The following ZNF100 variants were observed in gnomAD, a reference collection of about 807,000 sequenced individuals.
ZNF100 encodes the protein zinc finger protein 100, also known as zinc finger protein 100 (Y1).
In ZNF100, 12 loss-of-function variants were observed where a neutral mutation model predicts 15.8. The ratio of observed to expected loss-of-function variants is 0.76; its 90% CI spans 0.49 to 1.23. ZNF100 has a LOEUF of 1.23. ZNF100 is among the 50% of genes most tolerant of loss of function. The probability of loss-of-function intolerance (pLI) is 0.00; values close to 1 mark genes in which losing one functional copy is unlikely to be tolerated. For missense variants in ZNF100, 670 were observed against 635.6 expected (o/e 1.05, Z -0.58); for synonymous variants, 226 against 214.8 (o/e 1.05, Z -0.45).
intron 2 of ZNF100, among the ~76,000 whole-genome samples, chr19:21,760,697 T>C (rs910432641): frequency 2.0e-5 from 3 of 150,852 alleles, no homozygotes; most frequent in Non-Finnish European, 4.4e-5. Context: ...TGTTCTTAAA[T>C]GCAAGTTTCT....
intron 4 of ZNF100, among the ~76,000 whole-genome samples, chr19:21,734,751 T>C (rs777905520): frequency 6.6e-6 from 1 of 151,932 alleles, no homozygotes; most frequent in Non-Finnish European, 1.5e-5. Flanking sequence ...TCAAGACACA[T>C]AATTATCAGA....
intron 4 of ZNF100, among the ~76,000 whole-genome samples, chr19:21,731,402 G>A (rs1407666008): frequency 6.6e-5 from 10 of 151,256 alleles, no homozygotes; most frequent in Non-Finnish European, 2.9e-5. Context: ...TCCGCCTCCT[G>A]GGTTCAAGTG....
At chr19:21,756,825 C>A (rs762180744) in intron 2 of ZNF100, among the ~76,000 whole-genome samples, 1 of 152,146 alleles carries the variant, frequency 6.6e-6, no homozygotes, top group Non-Finnish European at 1.5e-5. Flanking sequence ...ATTACATTAA[C>A]CCTCTTCAAA....
At chr19:21,761,096 G>A (rs2036477139) in intron 2 of ZNF100, among the ~76,000 whole-genome samples, 1 of 152,028 alleles carries the variant, frequency 6.6e-6, no homozygotes, top group Admixed American at 6.6e-5. Flanking sequence ...AACTAAAATG[G>A]TCATGACTAT....
At chr19:21,744,473 A>G (rs1029480019) in intron 3 of ZNF100, among the ~76,000 whole-genome samples, 1 of 152,114 alleles carries the variant, frequency 6.6e-6, no homozygotes, top group Non-Finnish European at 1.5e-5. Flanking sequence ...CCTGGGTTCA[A>G]GCAATTCTCC....
At chr19:21,736,737 A>C (rs757301108) in intron 4 of ZNF100, among the ~76,000 whole-genome samples, 3 of 152,264 alleles carry the variant, frequency 2.0e-5, no homozygotes, top group Non-Finnish European at 4.4e-5. Flanking sequence ...AAGAGTAAGA[A>C]TCTCACTCAA....
intron 4 of ZNF100, among the ~76,000 whole-genome samples, chr19:21,736,563 T>C (rs1390948683): frequency 6.6e-6 from 1 of 152,226 alleles, no homozygotes; most frequent in Non-Finnish European, 1.5e-5. Context: ...GATAGATATT[T>C]ACAGAACTCA....
chr19:21,764,300 T>C (rs2036526156), intron 2 of ZNF100, among the ~76,000 whole-genome samples: 2 of 152,152 alleles, frequency 1.3e-5, no homozygotes, highest in Admixed American at 1.3e-4. Context: ...AGTGTTCATA[T>C]AAGGGAAGGG....
At chr19:21,730,486 C>T (rs1163703778) in intron 4 of ZNF100, among the ~76,000 whole-genome samples, 4 of 131,162 alleles carry the variant, frequency 3.0e-5, no homozygotes, top group African/African-American at 1.1e-4. Flanking sequence ...GTGTATCTCA[C>T]ATTAAGGTTC....
intron 2 of ZNF100, among the ~76,000 whole-genome samples, chr19:21,745,822 G>A (rs1005436198): frequency 1.6e-4 from 25 of 152,280 alleles, no homozygotes; most frequent in African/African-American, 4.8e-4. Context: ...ACGCCCGGCC[G>A]AGTTTCTGAA....
intron 2 of ZNF100, among the ~76,000 whole-genome samples, chr19:21,763,588 C>CGG (rs112074338): frequency 4.6e-5 from 7 of 151,912 alleles, no homozygotes; most frequent in Non-Finnish European, 8.8e-5. Context: ...GACTCCATCC[C>CGG]GGGGGGAAAA....
At chr19:21,750,767 G>A in intron 2 of ZNF100, 2 of 366,392 alleles carry the variant, frequency 5.5e-6, no homozygotes, top group Non-Finnish European at 9.8e-6. Flanking sequence ...GCCATTGTTG[G>A]GGGAGGGGCG....
At chr19:21,751,831 C>A in intron 2 of ZNF100, 1 of 911,578 alleles carries the variant, frequency 1.1e-6, no homozygotes, top group Non-Finnish European at 1.7e-6. Context: ...TATGTGAAGA[C>A]AAAGACTTGT....
rs1280342946 is a variant in ZNF100 at position 21,767,440 on chromosome 19, C to T, written c.-11G>A. 3 of 1,614,138 alleles carry T rather than the reference C, an allele frequency of 1.9e-6. No homozygotes were observed. The highest frequency in any genetic ancestry group is 2.5e-6 in the Non-Finnish European group (3 of 1,180,000). ...GGGCACTCTCACCATTTCTAGGCTT[C>T]TAGGGGGTCCTGGCGTCTTAGCTGT... On this transcript the variant is annotated 5_prime_UTR_variant, in exon 1 of 5. Transcript: ENST00000358296.
rs1360280883 is a variant in ZNF100 at position 21,724,473 on chromosome 19, G to A, written c.*2210C>T. ...AGAAAACTTTAAAAATACTTATTCA[G>A]GCCTCAGAAATGTAGGGATTTTATT... On this transcript the variant is annotated 3_prime_UTR_variant, in exon 5 of 5. Coordinates refer to ENST00000358296, the MANE Select transcript of ZNF100 (RefSeq NM_173531.4). The A allele has an allele frequency of 6.6e-6, 1 of 151,908 alleles. No homozygotes were observed. The highest frequency in any genetic ancestry group is 1.5e-5 in the Non-Finnish European group (1 of 67,942). The allele number at this position is 151,908 out of a possible 1,614,324, so 9.4% of individuals were successfully genotyped here.
At chr19:21,766,351 G>A in intron 1 of ZNF100, among the ~76,000 whole-genome samples, 1 of 151,212 alleles carries the variant, frequency 6.6e-6, no homozygotes, top group Non-Finnish European at 1.5e-5. Flanking sequence ...GTTCCCCGTG[G>A]AGTGTGAAAA....
rs1429779736 is a variant in ZNF100, at chr19:21,745,992, A to G, written c.97-925T>C. On this transcript the variant is annotated intron_variant, in intron 2 of 4. Transcript: ENST00000358296. ...AGACAGCTACATGCAAAGAAAACAT[A>G]AGAAAAAAGGGCAGCTGCCAGATTA... is the stretch of plus-strand genomic sequence containing the variant. Among the ~76,000 whole-genome samples, 4 of 152,364 alleles carry G rather than the reference A, an allele frequency of 2.6e-5. No individual in the cohort carries two copies. In the East Asian group the frequency reaches 7.7e-4, roughly 29 times the overall value.
rs1473570232 is a variant in ZNF100, at chr19:21,750,761, T to C, written c.97-5694A>G. ...CGCGGGTGCAGCCTGGGCTGCGCCA[T>C]TGTTGGGGGAGGGGCGGCTGCTGAG... is the stretch of plus-strand genomic sequence containing the variant. On this transcript the variant is annotated intron_variant, in intron 2 of 4. Coordinates refer to ENST00000358296, the MANE Select transcript of ZNF100 (RefSeq NM_173531.4). 1.5e-5 allele frequency: 5 copies of C among 328,208 alleles called. No homozygotes were observed. The East Asian group carries it at 2.5e-4, about 17-fold the overall frequency. The allele number at this position is 328,208 out of a possible 1,614,324, so 20.3% of individuals were successfully genotyped here.
chr19:21,733,763 C>T (rs2035962598), intron 4 of ZNF100, among the ~76,000 whole-genome samples: 1 of 147,218 alleles, frequency 6.8e-6, no homozygotes, highest in African/African-American at 2.5e-5. Context: ...GAGTGAGGAC[C>T]ACCCCACCAA....
Sources: allele counts gnomAD v4.1 joint callset (sites outside exome capture counted in the v4.1 genomes callset), GRCh38; gene constraint gnomAD v4.1.1; transcripts MANE v1.5; gene names NCBI Gene and HGNC (gene_info 2026-07-23, HGNC 2026-07-21).